The following PPP2R3B variants were observed in gnomAD, a reference collection of about 807,000 sequenced individuals.
PPP2R3B encodes serine/threonine-protein phosphatase 2A regulatory subunit B'' subunit beta.
Under a neutral mutation model 72.9 loss-of-function variants are expected in PPP2R3B, and 68 were observed. The ratio of observed to expected loss-of-function variants is 0.93; its 90% CI spans 0.77 to 1.14. PPP2R3B has a LOEUF of 1.14. Ranked by LOEUF, PPP2R3B falls within the 50% of genes most tolerant of loss-of-function variation. PPP2R3B has a pLI of 0.00. For missense variants in PPP2R3B, 1,018 were observed against 842.0 expected, an observed-to-expected ratio of 1.21 and a Z score of -2.59; for synonymous variants, 466 against 375.8, an observed-to-expected ratio of 1.24 and a Z score of -2.78.
chrX:385,093 T>C (rs1371418499), intron 1 of PPP2R3B, among the ~76,000 whole-genome samples: 1 of 151,998 alleles, frequency 6.6e-6, no homozygotes, highest in Non-Finnish European at 1.5e-5. Flanking sequence ...CTTCACCTTT[T>C]GACCTAGGGG....
chrX:351,784 A>C (rs967269310), intron 2 of PPP2R3B, among the ~76,000 whole-genome samples: 2 of 152,204 alleles, frequency 1.3e-5, no homozygotes, highest in African/African-American at 4.8e-5. Context: ...TGCAGTCTCA[A>C]CTTCACGGGC....
At chrX:386,055 C>G (rs923203199) in intron 1 of PPP2R3B, among the ~76,000 whole-genome samples, 1 of 152,144 alleles carries the variant, frequency 6.6e-6, no homozygotes, top group Non-Finnish European at 1.5e-5. Flanking sequence ...GTACTCCAGC[C>G]TGGGCAACAG....
At chrX:352,682 G>A (rs1287822855) in intron 2 of PPP2R3B, among the ~76,000 whole-genome samples, 3 of 151,908 alleles carry the variant, frequency 2.0e-5, no homozygotes, top group Non-Finnish European at 4.4e-5. Flanking sequence ...GGGGACTCGC[G>A]AGGCAGACAA....
At chrX:351,566 G>A (rs1312647396) in intron 2 of PPP2R3B, among the ~76,000 whole-genome samples, 8 of 147,282 alleles carry the variant, frequency 5.4e-5, no homozygotes, top group Non-Finnish European at 9.0e-5. Flanking sequence ...TTCGAGACAC[G>A]GTCTTGCTGT....
chrX:336,196 T>C (rs1304960094), intron 12 of PPP2R3B: 1 of 151,622 alleles, frequency 6.6e-6, no homozygotes, highest in Non-Finnish European at 1.5e-5. Flanking sequence ...CTACAGATAA[T>C]CTCTGCAAAG....
intron 8 of PPP2R3B, 91 bp downstream of exon 8, chrX:341,792 C>T (rs2071084211): frequency 7.2e-7 from 1 of 1,391,674 alleles, no homozygotes; most frequent in African/African-American, 1.4e-5. Context: ...GCTGTCGGGG[C>T]ACAAAAAGCT....
intron 2 of PPP2R3B, among the ~76,000 whole-genome samples, chrX:352,554 T>G (rs758462475): frequency 6.6e-6 from 1 of 151,770 alleles, no homozygotes; most frequent in East Asian, 2.0e-4. Flanking sequence ...TTGCTCTGTG[T>G]GGATCGTCTG....
rs143981535 is a variant in PPP2R3B at position 340,768 on chromosome X, C to T, written c.1348G>A (p.Glu450Lys). The T allele has an allele frequency of 4.0e-5, 65 of 1,609,762 alleles. 1 individual carries two copies. In the African/African-American group the frequency reaches 8.6e-4, roughly 21 times the overall value. Residue 450 changes from glutamate to lysine, a missense_variant, in exon 10 of 13, where the codon GAA (glutamate) becomes AAA (lysine). Physicochemically the swap from Glu to Lys is moderately conservative, Grantham distance 56. Transcript: ENST00000390665. ...QMLDLVKPRT[E>K]GKITLQDLKR... The stretch of plus-strand genomic sequence containing the variant: ...CCATGCCCTCACGGGGCATCACCTT[C>T]AGTCCTCGGCTTGACCAGGTCCAGC...
intron 1 of PPP2R3B, among the ~76,000 whole-genome samples, chrX:379,086 C>T (rs1157822642): frequency 7.2e-6 from 1 of 139,002 alleles, no homozygotes; most frequent in Non-Finnish European, 1.6e-5. Context: ...TGTGTATGCA[C>T]CTACGTGTGT....
In PPP2R3B at chrX:340,340, C is replaced by A. The variant is rs1399366500; in HGVS notation, c.1351+425G>T. Among the ~76,000 whole-genome samples, 5 of 151,504 alleles carry A rather than the reference C, an allele frequency of 3.3e-5. No homozygotes were observed. In the East Asian group the frequency reaches 7.9e-4, roughly 24 times the overall value. The stretch of plus-strand genomic sequence containing the variant: ...GGTCACCCCTCGGGGGGTGTCGACG[C>A]CCCGAATAGGAGGTTCTTGCACTGT... On this transcript the variant is annotated intron_variant, in intron 10 of 12. Transcript: ENST00000390665.
At chrX:370,434 A>G (rs2071833898) in intron 1 of PPP2R3B, among the ~76,000 whole-genome samples, 1 of 152,116 alleles carries the variant, frequency 6.6e-6, no homozygotes, top group African/African-American at 2.4e-5. Context: ...GTGAGTCTCC[A>G]CAGAGCTCGG....
chrX:347,380 G>T, intron 3 of PPP2R3B, 44 bp from the exon 4 acceptor site: 1 of 1,562,152 alleles, frequency 6.4e-7, no homozygotes, highest in Non-Finnish European at 8.8e-7. Flanking sequence ...CAGGGGGGTG[G>T]CTTTCGACCC....
chrX:363,478 C>T, intron 1 of PPP2R3B, among the ~76,000 whole-genome samples: 2 of 151,170 alleles, frequency 1.3e-5, no homozygotes, highest in African/African-American at 2.4e-5. Flanking sequence ...AATGCATCTC[C>T]CCGAGCCCAG....
chrX:347,363 A>G, intron 3 of PPP2R3B, 27 bp from the exon 4 acceptor site: 1 of 1,596,848 alleles, frequency 6.3e-7, no homozygotes, highest in Non-Finnish European at 8.6e-7. Flanking sequence ...ACTGGGCACC[A>G]CCCTCACAGG....
intron 1 of PPP2R3B, among the ~76,000 whole-genome samples, chrX:385,674 G>A (rs1203681564): frequency 2.0e-5 from 3 of 152,134 alleles, no homozygotes; most frequent in Non-Finnish European, 4.4e-5. Context: ...GATGGTGCAC[G>A]CCTGTAATCC....
rs1409923060 is a variant in PPP2R3B at position 366,938 on chromosome X, G to A, written c.325-5348C>T. On this transcript the variant is annotated intron_variant, in intron 1 of 12. Transcript: ENST00000390665. ...AGCTACTTGAGAGGCTGAGGCAGGAGAATCGCTTAAACCCGGGAGGCGGAG... is the reference window on the plus strand; with the variant it reads ...AGCTACTTGAGAGGCTGAGGCAGGAAAATCGCTTAAACCCGGGAGGCGGAG... Among the ~76,000 whole-genome samples the A allele has an allele frequency of 4.6e-5, 7 of 151,718 alleles. No individual in the cohort carries two copies. The East Asian group carries it at 1.2e-3, about 25-fold the overall frequency.
chrX:341,948 T>C lies in PPP2R3B; in HGVS notation c.1037-17A>G, dbSNP rs201167035. The C allele has an allele frequency of 2.5e-4, 406 of 1,612,432 alleles. No homozygotes were observed. Among genetic ancestry groups the C allele is most frequent in the Non-Finnish European group, 3.3e-4 (390 of 1,179,724 alleles). Reference sequence around the variant, plus strand: ...TAGAAAGGGCTGGAAAGGAATGCGGTTGATGGGCAGCCCGCACCGTGCCTC... The same window carrying C: ...TAGAAAGGGCTGGAAAGGAATGCGGCTGATGGGCAGCCCGCACCGTGCCTC... On this transcript the variant is annotated splice_polypyrimidine_tract_variant and intron_variant, in intron 7 of 12. Coordinates refer to ENST00000390665, the MANE Select transcript of PPP2R3B (RefSeq NM_013239.5).
intron 2 of PPP2R3B, among the ~76,000 whole-genome samples, chrX:360,768 A>T (rs2071521890): frequency 6.6e-6 from 1 of 152,186 alleles, no homozygotes; most frequent in African/African-American, 2.4e-5. Context: ...ACAACCACCC[A>T]CCAGGGGTCC....
rs1049762471 is a variant in PPP2R3B at position 347,624 on chromosome X, C to T, written c.580G>A (p.Val194Met). The change falls in exon 3 of 13, where the codon GTG (valine) becomes ATG (methionine). Residue 194 changes from valine (V) to methionine (M), a missense_variant. Physicochemically the swap from Val to Met is conservative, Grantham distance 21 (BLOSUM62 1). Transcript: ENST00000390665. ...YGAGGERTGS[V>M]SVHKFVAMWR... ...ATGGCGACGAACTTGTGGACGGACA[C>T]GGAGCCCGTGCGCTCCCCGCCGGCG... is the stretch of plus-strand genomic sequence containing the variant. The T allele has an allele frequency of 1.0e-5, 16 of 1,578,274 alleles. No individual in the cohort carries two copies. The highest frequency in any genetic ancestry group is 2.3e-5 in the East Asian group (1 of 43,544).
Sources: gnomAD v4.1 joint callset for allele counts (sites outside exome capture counted in the v4.1 genomes callset) on GRCh38, gnomAD v4.1.1 for gene constraint, MANE v1.5 for transcripts, NCBI Gene and HGNC (gene_info 2026-07-23, HGNC 2026-07-21) for gene names.